UTS2: variants seen among roughly 807,000 people sequenced by gnomAD.
UTS2 encodes the protein urotensin 2, also known as urotensin-2.
A neutral mutation model predicts 12.6 loss-of-function variants in UTS2; 10 were observed. The ratio of observed to expected loss-of-function variants is 0.80; its 90% CI spans 0.49 to 1.35. The LOEUF (loss-of-function observed/expected upper bound fraction) is 1.35, where lower values mean the gene tolerates loss of function less well. UTS2 is among the 40% of genes most tolerant of loss of function. The probability of loss-of-function intolerance (pLI) is 0.00; values close to 1 mark genes in which losing one functional copy is unlikely to be tolerated. For synonymous variants in UTS2, 52 were observed against 50.0 expected (o/e 1.04, Z -0.17); for missense variants, 142 against 143.2 (o/e 0.99, Z 0.04).
the UTS2 span, among the ~76,000 whole-genome samples, chr1:7,872,223 C>G: frequency 7.3e-6 from 1 of 136,406 alleles, no homozygotes; most frequent in Non-Finnish European, 1.5e-5. Context: ...TCACTTGAAC[C>G]CAGGAGGCGG....
the UTS2 span, among the ~76,000 whole-genome samples, chr1:7,881,183 A>T: frequency 6.6e-6 from 1 of 152,378 alleles, no homozygotes; most frequent in Admixed American, 6.5e-5. Flanking sequence ...AGCTGACATC[A>T]TACTGAATGG....
At chr1:7,890,968 C>CG in the UTS2 span, among the ~76,000 whole-genome samples, 1 of 25,382 alleles carries the variant, frequency 3.9e-5, no homozygotes, top group Non-Finnish European at 9.5e-5. Flanking sequence ...ATACCCTCCA[C>CG]CCCCCCCCAC....
At chr1:7,911,012 G>A in the UTS2 span, among the ~76,000 whole-genome samples, 1 of 151,698 alleles carries the variant, frequency 6.6e-6, no homozygotes. Context: ...CTCGGTGTGA[G>A]CCACCGTGAC....
At chr1:7,894,749 A>AAATG in the UTS2 span, among the ~76,000 whole-genome samples, 1 of 151,924 alleles carries the variant, frequency 6.6e-6, no homozygotes, top group South Asian at 2.1e-4. Flanking sequence ...TGGGAGGCTG[A>AAATG]GGCGGGCAGA....
chr1:7,855,917 A>C (rs1638296632), upstream of UTS2, among the ~76,000 whole-genome samples: 1 of 149,572 alleles, frequency 6.7e-6, no homozygotes, highest in African/African-American at 2.5e-5. Flanking sequence ...TGGTCTCAAA[A>C]TCTTAACCTC....
At chr1:7,892,961 G>A in the UTS2 span, among the ~76,000 whole-genome samples, 8 of 152,282 alleles carry the variant, frequency 5.3e-5, no homozygotes, top group Admixed American at 1.3e-4. Context: ...CATCTTTAGA[G>A]GTTGTTATTC....
chr1:7,890,967 A>ACC, the UTS2 span, among the ~76,000 whole-genome samples: 206 of 135,826 alleles, frequency 1.5e-3, 4 homozygotes, highest in African/African-American at 4.1e-3. Flanking sequence ...GATACCCTCC[A>ACC]CCCCCCCCCA....
the UTS2 span, among the ~76,000 whole-genome samples, chr1:7,872,299 C>CAAAAAAAAAAAAAAAAAAA: frequency 7.6e-5 from 5 of 65,882 alleles, no homozygotes; most frequent in Non-Finnish European, 1.1e-4. Context: ...GACTCTGTCT[C>CAAAAAAAAAAAAAAAAAAA]AAAAAAAAAA....
chr1:7,899,502 T>C, the UTS2 span, among the ~76,000 whole-genome samples: 18,426 of 152,180 alleles, frequency 0.12, 2,472 homozygotes, highest in East Asian at 0.56. Context: ...AAGGAAGTTC[T>C]TATCTAGTCC....
In UTS2 at chr1:7,847,706, G is replaced by A; in HGVS notation, c.*60C>T. ...ACACTGTTTTCAAATCAAGCATTGT[G>A]TTATTTTTCATATTCTAAGATGGGT... is the stretch of plus-strand genomic sequence containing the variant. On this transcript the variant is annotated 3_prime_UTR_variant, in exon 4 of 4. Coordinates refer to ENST00000361696, the MANE Select transcript of UTS2 (RefSeq NM_006786.4). The A allele has an allele frequency of 7.5e-7, 1 of 1,324,828 alleles. No individual in the cohort carries two copies. Among genetic ancestry groups the A allele is most frequent in the Non-Finnish European group, 1.1e-6 (1 of 930,874 alleles). The allele number at this position is 1,324,828 out of a possible 1,614,324, so 82.1% of individuals were successfully genotyped here.
At chr1:7,908,454 C>A in the UTS2 span, among the ~76,000 whole-genome samples, 1 of 124,674 alleles carries the variant, frequency 8.0e-6, no homozygotes, top group South Asian at 2.4e-4. Flanking sequence ...GAGTGAGACT[C>A]TGTCTCAAAA....
chr1:7,847,811 G>T lies in UTS2; in HGVS notation c.330C>A (p.Tyr110Ter). 2 of 1,613,894 alleles carry T rather than the reference G, an allele frequency of 1.2e-6. No individual in the cohort carries two copies. The highest frequency in any genetic ancestry group is 1.7e-6 in the Non-Finnish European group (2 of 1,179,928). ...SHLLARIWKP[Y>*]KKRETPDCFW... is the part of the protein sequence containing the mutation. ...AGCAATCAGGAGTCTCACGTTTCTT[G>T]TATGGTTTCCAGATTCTGGCCAAAA... Residue 110 changes from tyrosine to a stop codon, truncating the protein, a stop_gained, in exon 4 of 4, where the codon TAC (tyrosine) becomes TAA (stop). Transcript: ENST00000361696. LOFTEE classifies it high-confidence loss of function.
the UTS2 span, among the ~76,000 whole-genome samples, chr1:7,879,170 C>T: frequency 1.3e-5 from 2 of 152,192 alleles, no homozygotes; most frequent in Admixed American, 6.5e-5. Flanking sequence ...ACCTAACAGA[C>T]ATTTACAGGA....
the UTS2 span, among the ~76,000 whole-genome samples, chr1:7,878,628 C>A: frequency 6.6e-6 from 1 of 151,820 alleles, no homozygotes; most frequent in South Asian, 2.1e-4. Context: ...ATACAGGAGT[C>A]TAAGATGAAA....
the UTS2 span, among the ~76,000 whole-genome samples, chr1:7,896,895 A>G: frequency 6.6e-6 from 1 of 151,784 alleles, no homozygotes; most frequent in East Asian, 1.9e-4. Context: ...ATGGGGTTTC[A>G]CCATGTTGGC....
At chr1:7,875,661 C>G in the UTS2 span, among the ~76,000 whole-genome samples, 1 of 152,042 alleles carries the variant, frequency 6.6e-6, no homozygotes, top group Non-Finnish European at 1.5e-5. Context: ...AGGGACTGAC[C>G]CAGCCCACCC....
chr1:7,898,792 T>C, the UTS2 span, among the ~76,000 whole-genome samples: 1 of 152,066 alleles, frequency 6.6e-6, no homozygotes, highest in Admixed American at 6.6e-5. Flanking sequence ...TTTTTTCAAG[T>C]AAACCTAGAT....
At chr1:7,909,629 A>T in the UTS2 span, among the ~76,000 whole-genome samples, 4 of 150,114 alleles carry the variant, frequency 2.7e-5, no homozygotes, top group Non-Finnish European at 4.4e-5. Flanking sequence ...ACTATTTTAT[A>T]TTTTTTTTTG....
At chr1:7,881,854 G>C in the UTS2 span, among the ~76,000 whole-genome samples, 7 of 152,048 alleles carry the variant, frequency 4.6e-5, no homozygotes, top group African/African-American at 1.7e-4. Flanking sequence ...AAAGTTAAAG[G>C]CATCATATTA....
Sources: gnomAD v4.1 joint callset for allele counts (sites outside exome capture counted in the v4.1 genomes callset) on GRCh38, gnomAD v4.1.1 for gene constraint, MANE v1.5 for transcripts, NCBI Gene and HGNC (gene_info 2026-07-23, HGNC 2026-07-21) for gene names.